Variants in PCDH15 observed in about 807,000 individuals in gnomAD.
The protein encoded by PCDH15 is protocadherin-15.
PCDH15 carries 129 observed loss-of-function variants against 178.5 expected under a neutral mutation model. That is an observed-to-expected ratio of 0.72 (90% CI 0.63 to 0.84). The LOEUF is 0.84. Among genes scored for constraint, PCDH15 ranks in the 40% least tolerant of loss-of-function variants. The pLI is 0.00. For synonymous variants in PCDH15, 800 were observed against 732.0 expected (o/e 1.09, Z -1.50); for missense variants, 2,230 against 2,099.9 (o/e 1.06, Z -1.21).
intron 13 of PCDH15, among the ~76,000 whole-genome samples, chr10:54,178,991 A>G (rs2133744354): frequency 6.6e-6 from 1 of 152,294 alleles, no homozygotes; most frequent in East Asian, 1.9e-4. Context: ...TAGTTCAACC[A>G]TTGTGGAAGT....
At chr10:55,120,377 C>T (rs1857449) in intron 2 of PCDH15, among the ~76,000 whole-genome samples, 72,504 of 151,796 alleles carry the variant, frequency 0.48, 20,850 homozygotes, top group African/African-American at 0.79. Context: ...TAGGCAGTTG[C>T]ATATTTCAGT....
chr10:55,215,916 A>G (rs569917843), intron 1 of PCDH15, among the ~76,000 whole-genome samples: 1 of 152,132 alleles, frequency 6.6e-6, no homozygotes, highest in East Asian at 1.9e-4. Context: ...ACGAAGCAGT[A>G]TAATGCAGTG....
chr10:54,667,170 C>T (rs565111351), intron 1 of PCDH15, among the ~76,000 whole-genome samples: 1 of 151,936 alleles, frequency 6.6e-6, no homozygotes, highest in South Asian at 2.1e-4. Flanking sequence ...ATAATAATAA[C>T]AATTTCTATA....
chr10:54,257,916 G>A (rs1442376439), intron 8 of PCDH15, among the ~76,000 whole-genome samples: 1 of 151,982 alleles, frequency 6.6e-6, no homozygotes, highest in Non-Finnish European at 1.5e-5. Flanking sequence ...AAGGAACAGA[G>A]TCTCTATTCA....
chr10:54,518,463 G>T (rs372441688), intron 3 of PCDH15, among the ~76,000 whole-genome samples: 1 of 152,096 alleles, frequency 6.6e-6, no homozygotes, highest in South Asian at 2.1e-4. Flanking sequence ...AAATCTAGAA[G>T]AAATGGATAA....
chr10:53,810,061 A>AAGAC (rs2075810140), intron 37 of PCDH15, among the ~76,000 whole-genome samples: 1 of 152,164 alleles, frequency 6.6e-6, no homozygotes, highest in Non-Finnish European at 1.5e-5. Flanking sequence ...GTAAATAGTG[A>AAGAC]AGACAAAGTA....
At chr10:55,273,778 C>T (rs942151875) in intron 1 of PCDH15, among the ~76,000 whole-genome samples, 1 of 152,008 alleles carries the variant, frequency 6.6e-6, no homozygotes, top group African/African-American at 2.4e-5. Context: ...TATATTCTCA[C>T]GTACTTGAGG....
At chr10:55,225,104 G>A (rs928940629) in intron 1 of PCDH15, among the ~76,000 whole-genome samples, 2 of 151,756 alleles carry the variant, frequency 1.3e-5, no homozygotes, top group East Asian at 1.9e-4. Context: ...CTCATGAGAA[G>A]AAACTTTTTT....
chr10:54,949,313 C>T (rs1379301936), intron 2 of PCDH15, among the ~76,000 whole-genome samples: 2 of 151,832 alleles, frequency 1.3e-5, no homozygotes, highest in African/African-American at 4.8e-5. Flanking sequence ...CATAAGGCAG[C>T]AAGAAGAAGG....
intron 2 of PCDH15, among the ~76,000 whole-genome samples, chr10:54,965,007 T>G (rs559908341): frequency 1.3e-5 from 2 of 152,194 alleles, no homozygotes; most frequent in Non-Finnish European, 2.9e-5. Context: ...TTTAAATATA[T>G]TTGATAAATT....
chr10:55,369,488 A>T (rs1330382564), intron 2 of PCDH15, among the ~76,000 whole-genome samples: 1 of 152,076 alleles, frequency 6.6e-6, no homozygotes. Flanking sequence ...CATTTATCCA[A>T]GAGTGACAAT....
intron 2 of PCDH15, among the ~76,000 whole-genome samples, chr10:55,560,914 C>CA (rs1842184794): frequency 6.6e-6 from 1 of 151,582 alleles, no homozygotes; most frequent in African/African-American, 2.4e-5. Context: ...ACTTTTGTTG[C>CA]AAAAATTTCA....
chr10:54,121,801 T>A (rs747842672), intron 15 of PCDH15, among the ~76,000 whole-genome samples: 1 of 151,904 alleles, frequency 6.6e-6, no homozygotes, highest in Non-Finnish European at 1.5e-5. Flanking sequence ...AAAAAGTGAA[T>A]CAGTAATAAG....
chr10:54,392,468 C>CAAAAAAAAAA (rs71007849), intron 3 of PCDH15, among the ~76,000 whole-genome samples: 1 of 66,118 alleles, frequency 1.5e-5, no homozygotes, highest in Non-Finnish European at 2.5e-5. Context: ...GAGGCTGTCT[C>CAAAAAAAAAA]AAAAAAAAAA....
chr10:53,996,498 G>A (rs934202528), intron 20 of PCDH15, among the ~76,000 whole-genome samples: 9 of 152,084 alleles, frequency 5.9e-5, no homozygotes, highest in South Asian at 2.1e-4. Context: ...ACTTCAGTGC[G>A]AGGCACTGAA....
intron 2 of PCDH15, among the ~76,000 whole-genome samples, chr10:54,536,016 T>C (rs1049930087): frequency 6.6e-6 from 1 of 152,156 alleles, no homozygotes; most frequent in African/African-American, 2.4e-5. Context: ...TTGTCTAAGC[T>C]TCCAGCAAGC....
chr10:55,506,483 A>C (rs1365424211), intron 2 of PCDH15, among the ~76,000 whole-genome samples: 1 of 151,584 alleles, frequency 6.6e-6, no homozygotes, highest in Admixed American at 6.6e-5. Flanking sequence ...AAGCTATGTG[A>C]GTAGAGAGCT....
chr10:54,320,092 A>C lies in PCDH15; in HGVS notation c.706-2651T>G, dbSNP rs563864134. 4.6e-5 allele frequency among the ~76,000 whole-genome samples: 7 copies of C among 152,268 alleles called. No individual in the cohort carries two copies. In the South Asian group the frequency reaches 1.4e-3, roughly 32 times the overall value. ...TCACTCAGATCCCTAGAGGCACTAT[A>C]AAGATTATTCAAACCTAAAGACATT... is the stretch of plus-strand genomic sequence containing the variant. On this transcript the variant is annotated intron_variant, in intron 7 of 37. Transcript: ENST00000644397.
intron 2 of PCDH15, among the ~76,000 whole-genome samples, chr10:55,034,518 G>T (rs1840689582): frequency 6.6e-6 from 1 of 152,062 alleles, no homozygotes; most frequent in Non-Finnish European, 1.5e-5. Flanking sequence ...TTTATTGACT[G>T]CCTACTATAC....
Sources: gnomAD v4.1 joint callset for allele counts (sites outside exome capture counted in the v4.1 genomes callset) on GRCh38, gnomAD v4.1.1 for gene constraint, MANE v1.5 for transcripts, NCBI Gene and HGNC (gene_info 2026-07-23, HGNC 2026-07-21) for gene names.